Variants in FARS2 observed in about 807,000 individuals in gnomAD.
The protein encoded by FARS2 is phenylalanyl-tRNA synthetase 2, mitochondrial, also known as phenylalanine--tRNA ligase, mitochondrial.
Under a neutral mutation model 46.4 loss-of-function variants are expected in FARS2, and 40 were observed. That is an observed-to-expected ratio of 0.86 (90% confidence interval 0.67 to 1.12). FARS2 has a LOEUF of 1.12. Among genes scored for constraint, FARS2 ranks in the 50% most tolerant of loss-of-function variants. The pLI is 0.00. For missense variants in FARS2, 513 were observed against 567.9 expected (o/e 0.90, Z 0.98); for synonymous variants, 234 against 214.9 (o/e 1.09, Z -0.78).
intron 1 of FARS2, among the ~76,000 whole-genome samples, chr6:5,357,488 A>G (rs1056404205): frequency 3.9e-5 from 6 of 152,232 alleles, no homozygotes; most frequent in African/African-American, 4.8e-5. Context: ...CCATGAGTGA[A>G]GTGTGTACAG....
chr6:5,544,421 A>T (rs370413208), intron 4 of FARS2, among the ~76,000 whole-genome samples: 1 of 152,272 alleles, frequency 6.6e-6, no homozygotes, highest in Non-Finnish European at 1.5e-5. Context: ...TTGGAATTAT[A>T]TCCTTTCATG....
At chr6:5,314,240 G>C (rs1327338313) in intron 1 of FARS2, among the ~76,000 whole-genome samples, 1 of 152,192 alleles carries the variant, frequency 6.6e-6, no homozygotes, top group Non-Finnish European at 1.5e-5. Context: ...GGAGGAGGGA[G>C]TGGCAGTAGA....
At chr6:5,554,835 T>C (rs1771565041) in intron 5 of FARS2, among the ~76,000 whole-genome samples, 1 of 152,216 alleles carries the variant, frequency 6.6e-6, no homozygotes, top group Non-Finnish European at 1.5e-5. Context: ...GCTCCTAATA[T>C]TGAACTAGTA....
chr6:5,751,135 T>C (rs1761924368), intron 6 of FARS2, among the ~76,000 whole-genome samples: 1 of 151,872 alleles, frequency 6.6e-6, no homozygotes, highest in South Asian at 2.1e-4. Flanking sequence ...GGAACATAAC[T>C]CTCTGTAAGG....
rs556525294 is a variant in FARS2, at chr6:5,687,985, G to A, written c.1217+74665G>A. ...CAATTGTGAATGGGAGTTCACTCATGATTTGGCTCTCTGTTTGTCTGTTAT... is the reference window on the plus strand; with the variant it reads ...CAATTGTGAATGGGAGTTCACTCATAATTTGGCTCTCTGTTTGTCTGTTAT... On this transcript the variant is annotated intron_variant, in intron 6 of 6. Coordinates refer to ENST00000274680, the MANE Select transcript of FARS2 (RefSeq NM_006567.5). 4.1e-3 allele frequency among the ~76,000 whole-genome samples: 618 copies of A among 152,296 alleles called. 1 individual carries two copies. Among genetic ancestry groups the A allele is most frequent in the Admixed American group, 6.5e-3 (100 of 15,296 alleles).
At chr6:5,593,514 A>G (rs1195079620) in intron 5 of FARS2, among the ~76,000 whole-genome samples, 4 of 152,288 alleles carry the variant, frequency 2.6e-5, no homozygotes, top group Admixed American at 1.3e-4. Flanking sequence ...AAATAAATAA[A>G]TTAAAGAAAT....
intron 1 of FARS2, among the ~76,000 whole-genome samples, chr6:5,278,919 A>C (rs1316483437): frequency 6.6e-6 from 1 of 152,204 alleles, no homozygotes; most frequent in Non-Finnish European, 1.5e-5. Flanking sequence ...GGAGGCCTTG[A>C]GTGCACAACA....
intron 1 of FARS2, among the ~76,000 whole-genome samples, chr6:5,355,852 C>A (rs775011779): frequency 2.0e-5 from 3 of 152,176 alleles, no homozygotes; most frequent in Non-Finnish European, 2.9e-5. Context: ...TGATCAATTT[C>A]TTGATATACA....
chr6:5,584,108 G>GACACACACACAC (rs143867485), intron 5 of FARS2, among the ~76,000 whole-genome samples: 3,305 of 122,890 alleles, frequency 0.027, 202 homozygotes, highest in African/African-American at 0.087. Context: ...TTCTCTCTCT[G>GACACACACACAC]ACACACACAC....
rs1000968507 is a variant in FARS2 at position 5,368,681 on chromosome 6, T to G, written c.111T>G (p.Pro37=). The change falls in exon 2 of 7, where the codon CCT becomes CCG. Residue 37 remains proline, a synonymous_variant. Coordinates refer to ENST00000274680, the MANE Select transcript of FARS2 (RefSeq NM_006567.5). ...HQHQAWGSRP[P]AAECATQRAP... is the part of the protein sequence containing the mutation. ...ACCAGGCCTGGGGATCGAGGCCTCC[T>G]GCAGCAGAGTGTGCCACCCAAAGAG... The G allele has an allele frequency of 6.2e-7, 1 of 1,614,174 alleles. No homozygotes were observed. The highest frequency in any genetic ancestry group is 8.5e-7 in the Non-Finnish European group (1 of 1,180,036).
chr6:5,675,199 GACACACACACACACACACACACACAC>G (rs3057239), intron 6 of FARS2, among the ~76,000 whole-genome samples: 1 of 144,954 alleles, frequency 6.9e-6, no homozygotes, highest in Non-Finnish European at 1.5e-5. Context: ...TTTGCAGATA[GACACACACACACACACACACACACAC>G]ACACACACAC....
chr6:5,576,886 C>T (rs917576287), intron 5 of FARS2, among the ~76,000 whole-genome samples: 1 of 151,846 alleles, frequency 6.6e-6, no homozygotes, highest in Admixed American at 6.6e-5. Flanking sequence ...CACTGGGAGC[C>T]CTTTCCAGCT....
chr6:5,700,388 A>G (rs1336166553), intron 6 of FARS2, among the ~76,000 whole-genome samples: 7 of 151,906 alleles, frequency 4.6e-5, no homozygotes, highest in African/African-American at 9.7e-5. Context: ...AAAAATATAT[A>G]TATCTCAGTA....
intron 3 of FARS2, among the ~76,000 whole-genome samples, chr6:5,426,635 T>A (rs533249620): frequency 1.1e-4 from 17 of 152,340 alleles, no homozygotes; most frequent in South Asian, 8.3e-4. Context: ...TTAATTAATT[T>A]ATTTATTTGA....
At chr6:5,366,686 G>A (rs1758701011) in intron 1 of FARS2, among the ~76,000 whole-genome samples, 2 of 152,170 alleles carry the variant, frequency 1.3e-5, no homozygotes, top group African/African-American at 4.8e-5. Flanking sequence ...GCTGGAAACT[G>A]GGAAGGAAAA....
At chr6:5,706,297 G>T (rs1161461265) in intron 6 of FARS2, among the ~76,000 whole-genome samples, 1 of 152,194 alleles carries the variant, frequency 6.6e-6, no homozygotes, top group Non-Finnish European at 1.5e-5. Context: ...GACACAAACG[G>T]GTACTGGTCC....
chr6:5,608,028 T>C (rs982803355), intron 5 of FARS2, among the ~76,000 whole-genome samples: 3 of 152,030 alleles, frequency 2.0e-5, no homozygotes, highest in African/African-American at 7.2e-5. Context: ...TTTTATGACT[T>C]TTAACAAATA....
In FARS2 at chr6:5,659,813, A is replaced by G. The variant is rs531152575; in HGVS notation, c.1217+46493A>G. On this transcript the variant is annotated intron_variant, in intron 6 of 6. Coordinates refer to ENST00000274680, the MANE Select transcript of FARS2 (RefSeq NM_006567.5). Reference sequence around the variant, plus strand: ...AAAGGAACTGTAATATAAACATGACAAGGTACATGGCAGACACAGTTTCAT... The same window carrying G: ...AAAGGAACTGTAATATAAACATGACGAGGTACATGGCAGACACAGTTTCAT... Among the ~76,000 whole-genome samples, 59 of 152,330 alleles carry G rather than the reference A, an allele frequency of 3.9e-4. 1 individual carries two copies. The highest frequency in any genetic ancestry group is 1.4e-3 in the African/African-American group (57 of 41,580).
chr6:5,322,039 A>T (rs893914092), intron 1 of FARS2, among the ~76,000 whole-genome samples: 1 of 152,232 alleles, frequency 6.6e-6, no homozygotes, highest in Non-Finnish European at 1.5e-5. Context: ...TATTCACCAC[A>T]TGCTACTGGT....
Sources: gnomAD v4.1 joint callset for allele counts (sites outside exome capture counted in the v4.1 genomes callset) on GRCh38, gnomAD v4.1.1 for gene constraint, MANE v1.5 for transcripts, NCBI Gene and HGNC (gene_info 2026-07-23, HGNC 2026-07-21) for gene names.